Variants in DNAH11 observed in about 807,000 individuals in gnomAD.
The protein encoded by DNAH11 is dynein axonemal heavy chain 11, also known as axonemal beta dynein heavy chain 11.
A neutral mutation model predicts 526.0 loss-of-function variants in DNAH11; 442 were observed. The ratio of observed to expected loss-of-function variants is 0.84; its 90% CI spans 0.78 to 0.91. DNAH11 has a LOEUF of 0.91. Ranked by LOEUF, DNAH11 falls within the 40% of genes least tolerant of loss-of-function variation. The pLI is 0.00. For missense variants in DNAH11, 6,989 were observed against 5,448.7 expected, an observed-to-expected ratio of 1.28 and a Z score of -8.90; for synonymous variants, 2,461 against 1,935.9, an observed-to-expected ratio of 1.27 and a Z score of -7.12.
chr7:21,812,393 G>T (rs368738399), intron 63 of DNAH11, among the ~76,000 whole-genome samples: 4 of 152,074 alleles, frequency 2.6e-5, no homozygotes, highest in Non-Finnish European at 5.9e-5. Flanking sequence ...TGAACTGTCC[G>T]CCGGGTGTGG....
chr7:21,774,609 T>C (rs1157618357), intron 56 of DNAH11, among the ~76,000 whole-genome samples: 3 of 152,128 alleles, frequency 2.0e-5, no homozygotes, highest in Admixed American at 1.3e-4. Flanking sequence ...TAAAAAAGGA[T>C]TTCATGAAGT....
rs750200662 is a variant in DNAH11, at chr7:21,571,831, T to C, written c.1451T>C (p.Phe484Ser). Residue 484 changes from phenylalanine (F) to serine (S), a missense_variant, in exon 8 of 82, where the codon TTT becomes TCT. Transcript: ENST00000409508. ...IEDIFATTLE[F>S]EKLERLEFGG... ...GATATATTTGCCACCACTTTGGAAT[T>C]TGAAAAGCTGGAAAGACTGGAATTT... 6.2e-7 allele frequency: 1 copy of C among 1,612,786 alleles called. No individual in the cohort carries two copies. The highest frequency in any genetic ancestry group is 8.5e-7 in the Non-Finnish European group (1 of 1,179,410).
At chr7:21,799,356 A>G (rs1402210488) in intron 61 of DNAH11, among the ~76,000 whole-genome samples, 4 of 151,624 alleles carry the variant, frequency 2.6e-5, no homozygotes, top group Non-Finnish European at 2.9e-5. Flanking sequence ...TTTTTTTTTA[A>G]GACGGAGTCT....
chr7:21,670,800 A>G lies in DNAH11; in HGVS notation c.5329-10746A>G, dbSNP rs887118469. On this transcript the variant is annotated intron_variant, in intron 30 of 81. Coordinates refer to ENST00000409508, the MANE Select transcript of DNAH11 (RefSeq NM_001277115.2). ...ATTCTGTTATTGTGGTGAATTTTCG[A>G]AAGTTACGCCAACTTTGCATTCCTG... 4.6e-5 allele frequency among the ~76,000 whole-genome samples: 7 copies of G among 152,214 alleles called. No individual in the cohort carries two copies. In the East Asian group the frequency reaches 1.2e-3, roughly 25 times the overall value.
chr7:21,738,678 A>G (rs1785729524), intron 46 of DNAH11, 23 bp from the exon 47 acceptor site: 7 of 1,540,954 alleles, frequency 4.5e-6, no homozygotes, highest in East Asian at 2.4e-5. Context: ...TGATGGGTGG[A>G]CAGAAATATA....
intron 45 of DNAH11, among the ~76,000 whole-genome samples, chr7:21,733,967 C>G (rs1690065040): frequency 6.6e-6 from 1 of 152,076 alleles, no homozygotes; most frequent in Admixed American, 6.6e-5. Flanking sequence ...GAACATTGGA[C>G]TTTGAATTTT....
intron 73 of DNAH11, among the ~76,000 whole-genome samples, chr7:21,871,888 C>T (rs1016120861): frequency 2.0e-5 from 3 of 151,622 alleles, no homozygotes; most frequent in African/African-American, 2.4e-5. Context: ...TTTGGGAGGC[C>T]GAGGAGGGCA....
At position 21,868,078 on chromosome 7, in the gene DNAH11, T is replaced by C. The variant is rs11773744; in HGVS notation, c.11839+71T>C. 1,030,133 of 1,248,904 alleles carry C rather than the reference T, an allele frequency of 0.82. 430,583 individuals carry two copies. The highest frequency in any genetic ancestry group is 0.88 in the African/African-American group (54,255 of 61,828). The allele number at this position is 1,248,904 out of a possible 1,614,324, so 77.4% of individuals were successfully genotyped here. On this transcript the variant is annotated intron_variant, in intron 72 of 81. Transcript: ENST00000409508. ...CCTTTCACCCCCACCCCTGCCCTTC[T>C]TTTCAGTTCACAGTGATCTTAGTTT...
At position 21,894,893 on chromosome 7, in the gene DNAH11, G is replaced by A. The variant is rs72658825; in HGVS notation, c.12943G>A (p.Ala4315Thr). ...TTTTTCTCCATGCAAGGGGGAATTG[G>A]CATTATCTCCTGCTGTGGAAGCCCA... Reference protein sequence around the residue: ...QLDLSLKGELALSPAVEAQQF... With the variant: ...QLDLSLKGELTLSPAVEAQQF... Residue 4315 changes from alanine to threonine, a missense_variant, in exon 79 of 82, where the codon GCA becomes ACA. Ala to Thr is a moderately conservative substitution (Grantham distance 58). Coordinates refer to ENST00000409508, the MANE Select transcript of DNAH11 (RefSeq NM_001277115.2). The A allele has an allele frequency of 0.032, 52,022 of 1,613,862 alleles. 1,006 individuals carry two copies. Among genetic ancestry groups the A allele is most frequent in the Non-Finnish European group, 0.038 (44,907 of 1,179,806 alleles).
chr7:21,623,784 G>A (rs1202822895), intron 25 of DNAH11, among the ~76,000 whole-genome samples: 2 of 146,192 alleles, frequency 1.4e-5, no homozygotes, highest in Admixed American at 6.9e-5. Flanking sequence ...ATGGACACAG[G>A]AAGGGGAACA....
At chr7:21,702,848 C>G in intron 37 of DNAH11, 46 bp downstream of exon 37, 1 of 1,517,370 alleles carries the variant, frequency 6.6e-7, no homozygotes, top group Non-Finnish European at 9.1e-7. Context: ...AGCTGGCCTG[C>G]TTCACAGACA....
intron 62 of DNAH11, among the ~76,000 whole-genome samples, chr7:21,801,726 T>C (rs1789004881): frequency 6.6e-6 from 1 of 152,238 alleles, no homozygotes; most frequent in South Asian, 2.1e-4. Flanking sequence ...ATTATGAAAT[T>C]GAACTGTTTG....
Position 21,901,192 on chromosome 7 carries a change from AAGAGCGAAG to A in DNAH11, c.13493_13501del (p.Ser4498_Glu4500del), listed in dbSNP as rs777034641. On this transcript the variant is annotated inframe_deletion, in exon 82 of 82. Transcript: ENST00000409508. ...CAGCTACATCTGGACCTTCAGGCTG[AAGAGCGAAG>A]AGAAGACTGCAAAATGGGTTCTGGC... 1 of 1,613,634 alleles carries A rather than the reference AAGAGCGAAG, an allele frequency of 6.2e-7. No individual in the cohort carries two copies. Among genetic ancestry groups the A allele is most frequent in the Non-Finnish European group, 8.5e-7 (1 of 1,179,688 alleles).
chr7:21,619,023 C>T (rs191295972), intron 23 of DNAH11, 77 bp from the exon 24 acceptor site: 16 of 1,576,894 alleles, frequency 1.0e-5, no homozygotes, highest in Middle Eastern at 1.7e-4. Context: ...AGTTAAGATT[C>T]ATTTCACCAG....
chr7:21,587,994 G>A lies in DNAH11; in HGVS notation c.1711-70G>A. 3 of 1,462,874 alleles carry A rather than the reference G, an allele frequency of 2.1e-6. 1 individual carries two copies. Among genetic ancestry groups the A allele is most frequent in the Non-Finnish European group, 9.3e-7 (1 of 1,077,850 alleles). 90.6% of individuals were successfully genotyped at this position (1,462,874 alleles called of 1,614,324 possible). A position where few individuals can be genotyped will look rare whatever the true frequency, so the allele number is the denominator to read the frequency against. On this transcript the variant is annotated intron_variant, in intron 9 of 81. Transcript: ENST00000409508. ...TTAGTCATGTAAGAGGTTTGAAGGG[G>A]AACATTATGAGCTGAGTATTTGTTA...
Position 21,668,001 on chromosome 7 carries a change from C to T in DNAH11, c.5328+8970C>T, listed in dbSNP as rs532006916. Among the ~76,000 whole-genome samples the T allele has an allele frequency of 6.6e-5, 10 of 152,258 alleles. 1 individual carries two copies. Among genetic ancestry groups the T allele is most frequent in the African/African-American group, 2.4e-4 (10 of 41,564 alleles). On this transcript the variant is annotated intron_variant, in intron 30 of 81. Coordinates refer to ENST00000409508, the MANE Select transcript of DNAH11 (RefSeq NM_001277115.2). ...CATGGGAAAGGTAAACACCATGTTA[C>T]ATCAACTGTTCTGGAATATAAACAG...
intron 9 of DNAH11, among the ~76,000 whole-genome samples, chr7:21,585,766 T>C (rs1454142649): frequency 6.6e-6 from 1 of 152,160 alleles, no homozygotes; most frequent in East Asian, 1.9e-4. Flanking sequence ...AAAATATAAA[T>C]ATGTACTACA....
At chr7:21,768,289 T>G (rs1787269628) in intron 55 of DNAH11, among the ~76,000 whole-genome samples, 2 of 152,180 alleles carry the variant, frequency 1.3e-5, no homozygotes, top group South Asian at 4.1e-4. Flanking sequence ...GAGAGAGAAC[T>G]GTGTGAAGAG....
At chr7:21,875,845 A>G (rs1323558216) in intron 74 of DNAH11, among the ~76,000 whole-genome samples, 2 of 150,242 alleles carry the variant, frequency 1.3e-5, no homozygotes, top group Non-Finnish European at 3.0e-5. Context: ...TTTTATTAGA[A>G]GGGCTTTTAG....
Sources: gnomAD v4.1 joint callset for allele counts (sites outside exome capture counted in the v4.1 genomes callset) on GRCh38, gnomAD v4.1.1 for gene constraint, MANE v1.5 for transcripts, NCBI Gene and HGNC (gene_info 2026-07-23, HGNC 2026-07-21) for gene names.